CFAP299: variants seen among roughly 807,000 people sequenced by gnomAD.
CFAP299 encodes the protein cilia- and flagella-associated protein 299.
CFAP299 carries 21 observed loss-of-function variants against 27.0 expected under a neutral mutation model. The ratio of observed to expected loss-of-function variants is 0.78; its 90% CI spans 0.55 to 1.12. The LOEUF is 1.12. Among genes scored for constraint, CFAP299 ranks in the 50% most tolerant of loss-of-function variants. CFAP299 has a pLI of 0.00. For synonymous variants in CFAP299, 104 were observed against 98.1 expected (o/e 1.06, Z -0.36); for missense variants, 310 against 276.6 (o/e 1.12, Z -0.86).
chr4:80,940,791 T>C (rs1737156059), intron 4 of CFAP299, among the ~76,000 whole-genome samples: 1 of 152,206 alleles, frequency 6.6e-6, no homozygotes, highest in African/African-American at 2.4e-5. Context: ...CTTGTAAATA[T>C]ATATACAAAT....
At chr4:80,562,626 C>A (rs1178446746) in intron 2 of CFAP299, among the ~76,000 whole-genome samples, 1 of 150,272 alleles carries the variant, frequency 6.7e-6, no homozygotes, top group African/African-American at 2.4e-5. Context: ...CCACTACACT[C>A]CAGCCTAGGC....
chr4:80,954,490 T>C (rs1318598201), intron 5 of CFAP299, among the ~76,000 whole-genome samples: 2 of 152,200 alleles, frequency 1.3e-5, no homozygotes, highest in Non-Finnish European at 2.9e-5. Context: ...AAGTGGCTAT[T>C]GCTGGCTGAG....
rs548601190 is a variant in CFAP299 at position 80,961,005 on chromosome 4, C to T, written c.607-2512C>T. The stretch of plus-strand genomic sequence containing the variant: ...AGTTAGAAATCATCTATATATCAAG[C>T]GAGTATTCATTGTATAATTCAACTT... On this transcript the variant is annotated intron_variant, in intron 5 of 5. Transcript: ENST00000358105. Among the ~76,000 whole-genome samples the T allele has an allele frequency of 1.8e-3, 270 of 151,470 alleles. 1 individual carries two copies. The highest frequency in any genetic ancestry group is 3.4e-3 in the Middle Eastern group (1 of 290).
intron 3 of CFAP299, among the ~76,000 whole-genome samples, chr4:80,866,208 T>C (rs1405135803): frequency 6.6e-6 from 1 of 150,780 alleles, no homozygotes; most frequent in African/African-American, 2.4e-5. Context: ...CACAGGTGAT[T>C]ATCGTTTTTG....
chr4:80,755,387 T>C (rs1253816425), intron 3 of CFAP299, among the ~76,000 whole-genome samples: 8 of 152,154 alleles, frequency 5.3e-5, no homozygotes, highest in African/African-American at 1.4e-4. Context: ...TCATTTTATT[T>C]GATTGACTTG....
At chr4:80,746,666 C>T (rs541586839) in intron 3 of CFAP299, among the ~76,000 whole-genome samples, 19 of 151,814 alleles carry the variant, frequency 1.3e-4, no homozygotes, top group East Asian at 1.2e-3. Context: ...GAGCAACTGA[C>T]GATAAAAATG....
At chr4:80,824,989 A>G (rs916899941) in intron 3 of CFAP299, among the ~76,000 whole-genome samples, 5 of 152,036 alleles carry the variant, frequency 3.3e-5, no homozygotes, top group Non-Finnish European at 7.4e-5. Context: ...TATCTTAAAG[A>G]TACTCAGAGA....
At chr4:80,942,748 A>G (rs1036739394) in intron 4 of CFAP299, among the ~76,000 whole-genome samples, 9 of 152,170 alleles carry the variant, frequency 5.9e-5, no homozygotes, top group African/African-American at 2.2e-4. Context: ...TGACTCAAGT[A>G]TTTTGGTAGA....
At chr4:80,626,525 A>G (rs1000611375) in intron 3 of CFAP299, among the ~76,000 whole-genome samples, 4 of 151,864 alleles carry the variant, frequency 2.6e-5, no homozygotes, top group African/African-American at 9.7e-5. Context: ...GGAAGGAAAT[A>G]ATAAAAATCA....
At chr4:80,733,685 T>C (rs1233798446) in intron 3 of CFAP299, among the ~76,000 whole-genome samples, 1 of 152,142 alleles carries the variant, frequency 6.6e-6, no homozygotes, top group Admixed American at 6.6e-5. Flanking sequence ...CTTTTGATTT[T>C]TGGATCCCAC....
At chr4:80,354,287 A>T (rs1446569009) in intron 1 of CFAP299, among the ~76,000 whole-genome samples, 1 of 152,188 alleles carries the variant, frequency 6.6e-6, no homozygotes, top group Non-Finnish European at 1.5e-5. Flanking sequence ...ATCTGTCCTT[A>T]CAAATTGTCT....
intron 2 of CFAP299, among the ~76,000 whole-genome samples, chr4:80,444,583 A>G (rs1251316027): frequency 6.6e-6 from 1 of 152,222 alleles, no homozygotes; most frequent in Admixed American, 6.5e-5. Flanking sequence ...ACCCTACAAG[A>G]AAACCTAGGC....
At chr4:80,493,999 T>A (rs912060124) in intron 2 of CFAP299, among the ~76,000 whole-genome samples, 3 of 151,842 alleles carry the variant, frequency 2.0e-5, no homozygotes, top group Non-Finnish European at 2.9e-5. Flanking sequence ...ATGGTCTCGA[T>A]CTCCTGACCT....
chr4:80,432,298 C>T (rs933965755), intron 2 of CFAP299, among the ~76,000 whole-genome samples: 10 of 151,814 alleles, frequency 6.6e-5, no homozygotes, highest in Middle Eastern at 3.4e-3. Context: ...ATTACAGGCA[C>T]GCGCCACCAT....
At chr4:80,938,616 C>T (rs1436589050) in intron 4 of CFAP299, among the ~76,000 whole-genome samples, 1 of 152,204 alleles carries the variant, frequency 6.6e-6, no homozygotes, top group Non-Finnish European at 1.5e-5. Context: ...TGATTTCCCA[C>T]TCCACACCTT....
intron 3 of CFAP299, among the ~76,000 whole-genome samples, chr4:80,694,264 C>G (rs1454152493): frequency 2.0e-5 from 3 of 152,178 alleles, no homozygotes; most frequent in South Asian, 4.1e-4. Flanking sequence ...ATACGTCTCA[C>G]AAGACAGGCG....
chr4:80,854,630 G>T (rs949366724), intron 3 of CFAP299, among the ~76,000 whole-genome samples: 2 of 150,682 alleles, frequency 1.3e-5, no homozygotes, highest in African/African-American at 4.8e-5. Context: ...CAGTGGCTCT[G>T]TTCTGATTGT....
chr4:80,642,002 C>G (rs1739750719), intron 3 of CFAP299, among the ~76,000 whole-genome samples: 1 of 152,178 alleles, frequency 6.6e-6, no homozygotes. Context: ...TTCTGTTTCA[C>G]AGATATTTAG....
At chr4:80,918,396 C>T (rs997218001) in intron 4 of CFAP299, among the ~76,000 whole-genome samples, 1 of 152,094 alleles carries the variant, frequency 6.6e-6, no homozygotes, top group African/African-American at 2.4e-5. Flanking sequence ...TTTAGCTTAT[C>T]CTTGTTGATC....
Sources: gnomAD v4.1 joint callset for allele counts (sites outside exome capture counted in the v4.1 genomes callset) on GRCh38, gnomAD v4.1.1 for gene constraint, MANE v1.5 for transcripts, NCBI Gene and HGNC (gene_info 2026-07-23, HGNC 2026-07-21) for gene names.